Variants in ITPR3 observed in about 807,000 individuals in gnomAD.
ITPR3 encodes inositol 1,4,5-trisphosphate receptor type 3.
In ITPR3, 173 loss-of-function variants were observed where a neutral mutation model predicts 293.2. The observed-to-expected ratio is 0.59, with a 90% CI of 0.52 to 0.67. The LOEUF (loss-of-function observed/expected upper bound fraction) is 0.67. Ranked by LOEUF, ITPR3 falls within the 30% of genes least tolerant of loss-of-function variation. ITPR3 has a pLI of 0.00. For synonymous variants in ITPR3, 1,295 were observed against 1,444.4 expected (o/e 0.90, Z 2.35); for missense variants, 2,796 against 3,592.1 (o/e 0.78, Z 5.66).
chr6:33,655,907 C>A lies in ITPR3; in HGVS notation c.282+20C>A. On this transcript the variant is annotated intron_variant, in intron 3 of 57. Transcript: ENST00000605930. This position sits in a 1 kb window ranked among gnomAD's most constrained non-coding sequence, Gnocchi z 4.9. ...CTGCAGGTATGTGTGTGTGTGCAGG[C>A]GTGCATCTGTGCACATGTACCAGGA... 6.2e-7 allele frequency: 1 copy of A among 1,613,330 alleles called. No homozygotes were observed. Among genetic ancestry groups the A allele is most frequent in the East Asian group, 2.2e-5 (1 of 44,854 alleles).
At position 33,632,237 on chromosome 6, in the gene ITPR3, T is replaced by G. The variant is rs4713644; in HGVS notation, c.90-8247T>G. On this transcript the variant is annotated intron_variant, in intron 1 of 57. Coordinates refer to ENST00000605930, the MANE Select transcript of ITPR3 (RefSeq NM_002224.4). This position sits in a 1 kb window ranked among gnomAD's most constrained non-coding sequence, Gnocchi z 4.1. ...TTTCTCATCCACAGCTGAATGGGGGTGGGGGGAGGGTTGTTCAGGGTCCCT... is the reference window on the plus strand; with the variant it reads ...TTTCTCATCCACAGCTGAATGGGGGGGGGGGGAGGGTTGTTCAGGGTCCCT... Among the ~76,000 whole-genome samples, 11 of 142,176 alleles carry G rather than the reference T, an allele frequency of 7.7e-5. No individual in the cohort carries two copies. The highest frequency in any genetic ancestry group is 4.7e-4 in the South Asian group (2 of 4,280). The allele number at this position is 142,176 out of a possible 152,430, so 93.3% of individuals were successfully genotyped here.
intron 2 of ITPR3, among the ~76,000 whole-genome samples, chr6:33,642,455 G>T (rs1376824873): frequency 6.6e-6 from 1 of 152,144 alleles, no homozygotes. Flanking sequence ...GCTCTGCCAG[G>T]ACCGGAAGGG....
chr6:33,652,832 C>T (rs893603710), intron 2 of ITPR3, among the ~76,000 whole-genome samples: 1 of 151,826 alleles, frequency 6.6e-6, no homozygotes, highest in Non-Finnish European at 1.5e-5. Flanking sequence ...AGCCTGGAGC[C>T]AGGGGGAGGG....
chr6:33,667,787 C>T lies in ITPR3; in HGVS notation c.1714-5C>T, dbSNP rs200888383. On this transcript the variant is annotated splice_polypyrimidine_tract_variant and splice_region_variant and intron_variant, in intron 15 of 57. Coordinates refer to ENST00000605930, the MANE Select transcript of ITPR3 (RefSeq NM_002224.4). This position sits in a 1 kb window ranked among gnomAD's most constrained non-coding sequence, Gnocchi z 4.4. ...CTGTGACCCCCAGCCTGTCTGCCCC[C>T]CCAGGAGCACATTGCCAAGCAGTTT... 7.2e-5 allele frequency: 116 copies of T among 1,613,946 alleles called. 1 individual carries two copies. In the East Asian group the frequency reaches 8.0e-4, roughly 11 times the overall value.
rs568220768 is a variant in ITPR3, at chr6:33,633,233, A to T, written c.90-7251A>T. ...CAGGAGTGGGATGGGGCGTCATCCTAGTAGAGGCTGGACAGTGAGAGATCG... is the reference window on the plus strand; with the variant it reads ...CAGGAGTGGGATGGGGCGTCATCCTTGTAGAGGCTGGACAGTGAGAGATCG... On this transcript the variant is annotated intron_variant, in intron 1 of 57. Coordinates refer to ENST00000605930, the MANE Select transcript of ITPR3 (RefSeq NM_002224.4). The surrounding 1 kb of genome is among the most constrained non-coding windows in gnomAD (Gnocchi z 5.2). Among the ~76,000 whole-genome samples, 13 of 152,190 alleles carry T rather than the reference A, an allele frequency of 8.5e-5. No individual in the cohort carries two copies. The East Asian group carries it at 2.5e-3, about 29-fold the overall frequency.
intron 33 of ITPR3, 140 bp downstream of exon 33, chr6:33,680,820 C>CTTTT (rs747753235): frequency 1.4e-4 from 80 of 570,242 alleles, no homozygotes; most frequent in Middle Eastern, 6.0e-4. Flanking sequence ...TATTGGTTAT[C>CTTTT]TTTTTTTTTT....
rs72076061 is a variant in ITPR3, at chr6:33,623,327, T to TG, written c.89+1636_89+1637insG. 3.6e-3 allele frequency among the ~76,000 whole-genome samples: 343 copies of TG among 96,338 alleles called. 2 individuals carry two copies. The highest frequency in any genetic ancestry group is 0.012 in the African/African-American group (319 of 27,208). 63.2% of individuals were successfully genotyped at this position (96,338 alleles called of 152,430 possible). ...GATTTTCAAGTGCCTGTGAGTTTTG[T>TG]TTTTTTTTTTTTTTTTTAAGACAAG... On this transcript the variant is annotated intron_variant, in intron 1 of 57. Transcript: ENST00000605930.
At chr6:33,669,401 C>A (rs1022163072) in intron 18 of ITPR3, among the ~76,000 whole-genome samples, 1 of 152,240 alleles carries the variant, frequency 6.6e-6, no homozygotes, top group South Asian at 2.1e-4. Context: ...TTCAAAGAAA[C>A]CCAGACTGTT....
chr6:33,625,604 G>A (rs1481851319), intron 1 of ITPR3, among the ~76,000 whole-genome samples: 2 of 152,172 alleles, frequency 1.3e-5, no homozygotes, highest in East Asian at 3.9e-4. Context: ...GGTGAACTGG[G>A]TCTTGGAGCT....
At chr6:33,641,724 T>C (rs2151291221) in intron 2 of ITPR3, among the ~76,000 whole-genome samples, 1 of 152,108 alleles carries the variant, frequency 6.6e-6, no homozygotes, top group East Asian at 1.9e-4. Context: ...CTGCCATTCC[T>C]CACAGTCACC....
chr6:33,670,202 G>A lies in ITPR3; in HGVS notation c.2190-123G>A. 1.0e-6 allele frequency: 1 copy of A among 1,004,454 alleles called. No homozygotes were observed. Among genetic ancestry groups the A allele is most frequent in the South Asian group, 1.5e-5 (1 of 65,594 alleles). The allele number at this position is 1,004,454 out of a possible 1,614,324, so 62.2% of individuals were successfully genotyped here. On this transcript the variant is annotated intron_variant, in intron 18 of 57. Transcript: ENST00000605930. The surrounding 1 kb of genome is among the most constrained non-coding windows in gnomAD (Gnocchi z 6.7). ...TTCACCTTTCTAACTCAGAATTGCA[G>A]CTGGCGCATCTTTAACCTAATCCCT... is the stretch of plus-strand genomic sequence containing the variant.
At chr6:33,643,549 G>T (rs138417215) in intron 2 of ITPR3, among the ~76,000 whole-genome samples, 1 of 152,226 alleles carries the variant, frequency 6.6e-6, no homozygotes. Flanking sequence ...GTAACGTTTC[G>T]GGCTGTGGCT....
Position 33,687,683 on chromosome 6 carries a change from TG to T in ITPR3, c.6264+124del. The T allele has an allele frequency of 1.2e-6, 1 of 820,086 alleles. No homozygotes were observed. Among genetic ancestry groups the T allele is most frequent in the Non-Finnish European group, 2.0e-6 (1 of 510,274 alleles). 50.8% of individuals were successfully genotyped at this position (820,086 alleles called of 1,614,324 possible). On this transcript the variant is annotated intron_variant, in intron 46 of 57. Coordinates refer to ENST00000605930, the MANE Select transcript of ITPR3 (RefSeq NM_002224.4). The surrounding 1 kb of genome is among the most constrained non-coding windows in gnomAD (Gnocchi z 5.3). ...CTAGAATATGAGCCAGGCTAGAATTTGGGGGTACAGCTCAGGGGGCTGATTG... is the reference window on the plus strand; with the variant it reads ...CTAGAATATGAGCCAGGCTAGAATTTGGGGTACAGCTCAGGGGGCTGATTG...
chr6:33,678,219 A>T (rs1764961126), intron 28 of ITPR3, among the ~76,000 whole-genome samples: 2 of 151,896 alleles, frequency 1.3e-5, no homozygotes, highest in South Asian at 2.1e-4. Context: ...ACCTTGCCCC[A>T]ACTCCAGCCT....
intron 1 of ITPR3, among the ~76,000 whole-genome samples, chr6:33,637,102 G>A (rs1162902449): frequency 6.6e-6 from 1 of 152,190 alleles, no homozygotes; most frequent in Non-Finnish European, 1.5e-5. Flanking sequence ...TAGTTCTCCA[G>A]TACTCTGGGG....
At position 33,688,331 on chromosome 6, in the gene ITPR3, C is replaced by T. The variant is rs780457198; in HGVS notation, c.6468C>T (p.Phe2156=). ...CGGAGGAAACCAAGCACCGGCTCTT[C>T]ACCACTACTGAGCAGGACGAGCAGG... ...FLTEETKHRL[F]TTTEQDEQGS... The change falls in exon 48 of 58, where the codon TTC becomes TTT. Residue 2156 remains phenylalanine, a synonymous_variant. Transcript: ENST00000605930. 3 of 1,614,176 alleles carry T rather than the reference C, an allele frequency of 1.9e-6. No individual in the cohort carries two copies. The highest frequency in any genetic ancestry group is 1.3e-5 in the African/African-American group (1 of 75,052).
In ITPR3 at chr6:33,667,329, G is replaced by T. The variant is rs192517626; in HGVS notation, c.1713+39G>T. ...CTGCTGGCCCACTCGCTGGCTGCAC[G>T]TTCCTTCCTCAGCAAGCGATTTCCT... On this transcript the variant is annotated intron_variant, in intron 15 of 57. Transcript: ENST00000605930. The surrounding 1 kb of genome is among the most constrained non-coding windows in gnomAD (Gnocchi z 4.4). The T allele has an allele frequency of 1.2e-5, 19 of 1,594,690 alleles. No homozygotes were observed. Among genetic ancestry groups the T allele is most frequent in the Non-Finnish European group, 1.5e-5 (17 of 1,170,316 alleles).
At position 33,688,250 on chromosome 6, in the gene ITPR3, G is replaced by C; in HGVS notation, c.6387G>C (p.Gln2129His). ...CTGTGTGTGCTCAGATTGTGCGGCA[G>C]GACCGCAGCATGGAGCAGATCGTGT... ...NHTSQIEIVR[Q>H]DRSMEQIVFP... Residue 2129 changes from glutamine (Q) to histidine (H), a missense_variant, in exon 48 of 58, where the codon CAG becomes CAC. By Grantham distance (24) the Gln-to-His change is conservative. This residue lies in a region of ITPR3 where 568 missense variants were observed against 796.1 expected (regional missense o/e 0.71). Coordinates refer to ENST00000605930, the MANE Select transcript of ITPR3 (RefSeq NM_002224.4). The C allele has an allele frequency of 6.2e-7, 1 of 1,614,220 alleles. No individual in the cohort carries two copies. The highest frequency in any genetic ancestry group is 1.7e-5 in the Admixed American group (1 of 60,028).
chr6:33,630,016 G>A (rs945406918), intron 1 of ITPR3, among the ~76,000 whole-genome samples: 1 of 152,050 alleles, frequency 6.6e-6, no homozygotes, highest in Non-Finnish European at 1.5e-5. Context: ...ACTTGAACCC[G>A]GGAGGTGGGG....
Sources: allele counts gnomAD v4.1 joint callset (sites outside exome capture counted in the v4.1 genomes callset), GRCh38; gene constraint gnomAD v4.1.1; regional missense constraint gnomAD v4.1.1; non-coding constraint Gnocchi (gnomAD v3.1); transcripts MANE v1.5; gene names NCBI Gene and HGNC (gene_info 2026-07-23, HGNC 2026-07-21).